Variants in MGST1 observed in about 807,000 individuals in gnomAD.
MGST1 encodes microsomal glutathione S-transferase 1, also known as glutathione S-transferase 12.
Under a neutral mutation model 8.9 loss-of-function variants are expected in MGST1, and 5 were observed. The ratio of observed to expected loss-of-function variants is 0.56; its 90% CI spans 0.29 to 1.19. MGST1 has a LOEUF of 1.19. MGST1 is among the 50% of genes most tolerant of loss of function. The pLI is 0.08. For synonymous variants in MGST1, 54 were observed against 67.8 expected (o/e 0.80, Z 1.00); for missense variants, 182 against 187.4 (o/e 0.97, Z 0.17).
At chr12:16,556,151 G>A (rs1390181803) in intron 4 of MGST1, among the ~76,000 whole-genome samples, 1 of 152,032 alleles carries the variant, frequency 6.6e-6, no homozygotes, top group Non-Finnish European at 1.5e-5. Context: ...ACATATTTGG[G>A]AAAATTTCAT....
At chr12:16,577,799 A>G (rs1943040399) in intron 4 of MGST1, among the ~76,000 whole-genome samples, 1 of 152,196 alleles carries the variant, frequency 6.6e-6, no homozygotes, top group Non-Finnish European at 1.5e-5. Context: ...CAGGTTGCCC[A>G]TGATGGTTCT....
At position 16,413,980 on chromosome 12, in the gene MGST1, A is replaced by G. The variant is rs1218366088; in HGVS notation, n.779-23408A>G. Among the ~76,000 whole-genome samples, 4 of 152,292 alleles carry G rather than the reference A, an allele frequency of 2.6e-5. No homozygotes were observed. The East Asian group carries it at 7.7e-4, about 29-fold the overall frequency. On this transcript the variant is annotated intron_variant and non_coding_transcript_variant, in intron 1 of 1. Coordinates refer to the MGST1 transcript ENST00000359720. This position sits in a 1 kb window ranked among gnomAD's most constrained non-coding sequence, Gnocchi z 4.0. ...AAAATTTAGAAAATTCAGAATAAAT[A>G]TAAGTTTTGTAGAAACTGTAGAATC...
At chr12:16,466,125 A>T (rs1162879064) in intron 4 of MGST1, among the ~76,000 whole-genome samples, 1 of 152,238 alleles carries the variant, frequency 6.6e-6, no homozygotes, top group Non-Finnish European at 1.5e-5. Flanking sequence ...TCTGTGTAAT[A>T]AATGGATTAA....
chr12:16,347,626 G>C (rs968708976), upstream of MGST1: 6 of 152,304 alleles, frequency 3.9e-5, no homozygotes, highest in African/African-American at 1.4e-4. This position sits in a 1 kb window ranked among gnomAD's most constrained non-coding sequence, Gnocchi z 4.0. Flanking sequence ...CGGTGCCTGC[G>C]TCCGGCCCGC....
At chr12:16,460,012 T>A (rs564632171) in intron 4 of MGST1, among the ~76,000 whole-genome samples, 2 of 152,252 alleles carry the variant, frequency 1.3e-5, no homozygotes, top group African/African-American at 4.8e-5. Flanking sequence ...TGTGACTTAA[T>A]CTCTCTATGC....
chr12:16,533,187 C>A (rs1466685973), intron 4 of MGST1, among the ~76,000 whole-genome samples: 2 of 152,156 alleles, frequency 1.3e-5, no homozygotes, highest in East Asian at 3.9e-4. Flanking sequence ...ATGTAAAAGA[C>A]AGAGGACTCT....
intron 4 of MGST1, among the ~76,000 whole-genome samples, chr12:16,456,527 AAGTT>A (rs1215090842): frequency 6.6e-6 from 1 of 151,964 alleles, no homozygotes; most frequent in African/African-American, 2.4e-5. Flanking sequence ...ACTGAATTAA[AAGTT>A]AGATAGGAAT....
chr12:16,422,306 G>A (rs181307740), intron 1 of MGST1, among the ~76,000 whole-genome samples: 2 of 152,064 alleles, frequency 1.3e-5, no homozygotes, highest in Non-Finnish European at 2.9e-5. Flanking sequence ...TTTTTATACA[G>A]TGTGGATGAT....
At chr12:16,553,371 C>G (rs1942065652) in intron 4 of MGST1, among the ~76,000 whole-genome samples, 1 of 152,090 alleles carries the variant, frequency 6.6e-6, no homozygotes, top group South Asian at 2.1e-4. Flanking sequence ...AATGGTTATA[C>G]AGGGTGTAAC....
downstream of MGST1, among the ~76,000 whole-genome samples, chr12:16,380,735 C>T (rs1453851837): frequency 1.3e-5 from 2 of 152,088 alleles, no homozygotes; most frequent in Non-Finnish European, 2.9e-5. Flanking sequence ...CTAATGTTGA[C>T]AGTAGGGTGT....
rs1004757076 is a variant in MGST1, at chr12:16,482,754, G to C, written n.482+99150G>C. ...AGGGAAAAGATAATGGCTGAGATAC[G>C]CAAAGGATTAGACTATCATGTCGGA... On this transcript the variant is annotated intron_variant and non_coding_transcript_variant, in intron 4 of 4. Coordinates refer to the MGST1 transcript ENST00000538857. The surrounding 1 kb of genome is among the most constrained non-coding windows in gnomAD (Gnocchi z 4.2). Among the ~76,000 whole-genome samples, 1 of 152,154 alleles carries C rather than the reference G, an allele frequency of 6.6e-6. No individual in the cohort carries two copies. The highest frequency in any genetic ancestry group is 1.5e-5 in the Non-Finnish European group (1 of 68,028).
At chr12:16,386,753 G>A (rs1003694440) in intron 1 of MGST1, among the ~76,000 whole-genome samples, 2 of 152,100 alleles carry the variant, frequency 1.3e-5, no homozygotes, top group Admixed American at 6.5e-5. Flanking sequence ...GTCACTTGCA[G>A]TTCAAAAATA....
intron 4 of MGST1, among the ~76,000 whole-genome samples, chr12:16,466,879 A>G (rs1941258960): frequency 6.6e-6 from 1 of 151,960 alleles, no homozygotes; most frequent in South Asian, 2.1e-4. Context: ...ATTTTCCACA[A>G]TTGTGTTGCA....
At chr12:16,478,421 T>C in intron 4 of MGST1, among the ~76,000 whole-genome samples, 1 of 148,240 alleles carries the variant, frequency 6.7e-6, no homozygotes, top group East Asian at 2.3e-4. Context: ...ATTTTTGTAA[T>C]ACAGAAAATT....
chr12:16,385,657 GC>G (rs1940498502), intron 1 of MGST1, among the ~76,000 whole-genome samples: 1 of 150,858 alleles, frequency 6.6e-6, no homozygotes, highest in South Asian at 2.1e-4. Flanking sequence ...TACCATCAAA[GC>G]CCAGGAGAAG....
chr12:16,441,396 A>G (rs1002736579), downstream of MGST1, among the ~76,000 whole-genome samples: 2 of 151,894 alleles, frequency 1.3e-5, no homozygotes, highest in Non-Finnish European at 2.9e-5. Context: ...TGTATAGTCC[A>G]TGGGTTTTGA....
At chr12:16,464,777 T>TGG (rs1238808214) in intron 4 of MGST1, among the ~76,000 whole-genome samples, 1 of 152,244 alleles carries the variant, frequency 6.6e-6, no homozygotes, top group African/African-American at 2.4e-5. Flanking sequence ...TTCCATCTTG[T>TGG]GGCCCCTCCA....
rs1303501563 is a variant in MGST1 at position 16,500,539 on chromosome 12, A to C, written n.483-88989A>C. Among the ~76,000 whole-genome samples, 1 of 152,204 alleles carries C rather than the reference A, an allele frequency of 6.6e-6. No individual in the cohort carries two copies. Among genetic ancestry groups the C allele is most frequent in the Non-Finnish European group, 1.5e-5 (1 of 68,024 alleles). On this transcript the variant is annotated intron_variant and non_coding_transcript_variant, in intron 4 of 4. Coordinates refer to the MGST1 transcript ENST00000538857. The surrounding 1 kb of genome is among the most constrained non-coding windows in gnomAD (Gnocchi z 4.3). Reference sequence around the variant, plus strand: ...GGAAAAGATACTTATTTTGTGTGCCAGTCCTGTCCTTTGATGGTGGTGCTT... The same window carrying C: ...GGAAAAGATACTTATTTTGTGTGCCCGTCCTGTCCTTTGATGGTGGTGCTT...
intron 1 of MGST1, among the ~76,000 whole-genome samples, chr12:16,424,614 C>T (rs949869507): frequency 2.0e-5 from 3 of 152,180 alleles, no homozygotes; most frequent in Non-Finnish European, 4.4e-5. Context: ...ATGAAGATGG[C>T]TTCCAAATTT....
Sources: gnomAD v4.1 joint callset for allele counts (sites outside exome capture counted in the v4.1 genomes callset) on GRCh38, gnomAD v4.1.1 for gene constraint, Gnocchi (gnomAD v3.1) non-coding constraint, MANE v1.5 for transcripts, NCBI Gene and HGNC (gene_info 2026-07-23, HGNC 2026-07-21) for gene names.